Variants in ASF1B observed in about 807,000 individuals in gnomAD.
The protein encoded by ASF1B is histone chaperone ASF1B.
A neutral mutation model predicts 16.6 loss-of-function variants in ASF1B; 10 were observed. The observed-to-expected ratio is 0.60, with a 90% CI of 0.37 to 1.02. The LOEUF is 1.02. ASF1B is among the 50% of genes least tolerant of loss of function. The pLI, the probability that ASF1B is intolerant of heterozygous loss-of-function variation, is 0.01. For missense variants in ASF1B, 240 were observed against 266.0 expected, an observed-to-expected ratio of 0.90 and a Z score of 0.68; for synonymous variants, 101 against 106.2, an observed-to-expected ratio of 0.95 and a Z score of 0.30.
Position 14,120,229 on chromosome 19 carries a change from A to G in ASF1B, c.*230T>C. On this transcript the variant is annotated 3_prime_UTR_variant, in exon 4 of 4. Transcript: ENST00000263382. ...TATGAAGACGAAAAGAACACAAGTC[A>G]GAATTTAGAACTGAAGTACCTGCTT... 1 of 520,640 alleles carries G rather than the reference A, an allele frequency of 1.9e-6. No homozygotes were observed. Among genetic ancestry groups the G allele is most frequent in the Non-Finnish European group, 3.4e-6 (1 of 297,774 alleles). 32.3% of individuals were successfully genotyped at this position (520,640 alleles called of 1,614,324 possible). A position where few individuals can be genotyped will look rare whatever the true frequency, so the allele number is the denominator to read the frequency against.
At chr19:14,125,363 G>GCA (rs1967302288) in intron 2 of ASF1B, among the ~76,000 whole-genome samples, 1 of 152,218 alleles carries the variant, frequency 6.6e-6, no homozygotes, top group African/African-American at 2.4e-5. Context: ...TTCCCCTGGG[G>GCA]CAATGGTTCA....
intron 1 of ASF1B, among the ~76,000 whole-genome samples, chr19:14,128,299 G>A (rs1167430172): frequency 1.3e-5 from 2 of 152,170 alleles, no homozygotes; most frequent in Non-Finnish European, 2.9e-5. Flanking sequence ...GCATGCTGCT[G>A]CCAGGTCATG....
intron 1 of ASF1B, among the ~76,000 whole-genome samples, chr19:14,132,771 T>C (rs1225020557): frequency 1.3e-5 from 2 of 152,078 alleles, no homozygotes; most frequent in South Asian, 2.1e-4. Context: ...TGAGCTGAGA[T>C]TGCACCACTG....
At chr19:14,122,359 G>T (rs539843948) in intron 2 of ASF1B, among the ~76,000 whole-genome samples, 2 of 145,972 alleles carry the variant, frequency 1.4e-5, no homozygotes, top group Non-Finnish European at 3.0e-5. Flanking sequence ...GAGCCATTGC[G>T]CCTGGACTTT....
intron 2 of ASF1B, among the ~76,000 whole-genome samples, chr19:14,122,769 G>A (rs1967260038): frequency 6.6e-6 from 1 of 152,174 alleles, no homozygotes; most frequent in Admixed American, 6.6e-5. Context: ...GTGAGCCGGG[G>A]GACAGTGGCA....
intron 1 of ASF1B, among the ~76,000 whole-genome samples, chr19:14,131,634 C>A (rs1234260960): frequency 1.3e-5 from 2 of 151,816 alleles, no homozygotes; most frequent in African/African-American, 4.8e-5. Context: ...AGGCGCCCGC[C>A]ACCACACCCG....
chr19:14,121,612 G>A lies in ASF1B; in HGVS notation c.322C>T (p.Arg108Ter). ...TCTYHGQEFI[R>*]VGYYVNNEYL... ...TCGTTGTTGACGTAGTAGCCCACTC[G>A]GATGAACTCCTGTCCATGGTAGGTG... The change falls in exon 3 of 4, where the codon CGA (arginine) becomes TGA (stop). Residue 108 changes from arginine (R) to a stop codon, truncating the protein, a stop_gained. Transcript: ENST00000263382. LOFTEE classifies it high-confidence loss of function. 4.3e-6 allele frequency: 7 copies of A among 1,613,950 alleles called. No individual in the cohort carries two copies. Among genetic ancestry groups the A allele is most frequent in the Admixed American group, 1.7e-5 (1 of 59,986 alleles).
intron 2 of ASF1B, among the ~76,000 whole-genome samples, chr19:14,122,330 G>A (rs1211040894): frequency 6.6e-6 from 1 of 151,742 alleles, no homozygotes; most frequent in Non-Finnish European, 1.5e-5. Flanking sequence ...GCCTCCCAAA[G>A]TGTTGGGATT....
intron 2 of ASF1B, among the ~76,000 whole-genome samples, chr19:14,122,552 G>C (rs1219605402): frequency 6.7e-6 from 1 of 149,652 alleles, no homozygotes; most frequent in Non-Finnish European, 1.5e-5. Flanking sequence ...TAGAGACAGG[G>C]TTTCTCCATG....
intron 3 of ASF1B, 72 bp from the exon 4 acceptor site, chr19:14,120,737 C>A: frequency 6.9e-7 from 1 of 1,445,116 alleles, no homozygotes; most frequent in Non-Finnish European, 9.6e-7. Context: ...CAGGACACCC[C>A]CAATCACCCA....
intron 1 of ASF1B, among the ~76,000 whole-genome samples, chr19:14,132,561 T>G (rs1156746798): frequency 6.6e-6 from 1 of 152,162 alleles, no homozygotes; most frequent in Admixed American, 6.6e-5. Flanking sequence ...GGATTCAAAG[T>G]GTAATCCCAG....
intron 1 of ASF1B, among the ~76,000 whole-genome samples, chr19:14,134,332 C>G (rs187560358): frequency 6.6e-6 from 1 of 152,198 alleles, no homozygotes; most frequent in Admixed American, 6.6e-5. Flanking sequence ...CAAGTAGACT[C>G]CTTAATTTAA....
At chr19:14,134,240 C>G (rs1967451789) in intron 1 of ASF1B, among the ~76,000 whole-genome samples, 1 of 152,216 alleles carries the variant, frequency 6.6e-6, no homozygotes, top group Non-Finnish European at 1.5e-5. Context: ...TATTCCACAG[C>G]GTCATTCTAC....
chr19:14,135,943 G>T (rs1178637565), intron 1 of ASF1B, among the ~76,000 whole-genome samples: 1 of 151,902 alleles, frequency 6.6e-6, no homozygotes, highest in Non-Finnish European at 1.5e-5. Flanking sequence ...GGCCGAGAAG[G>T]TCTCCCCATG....
intron 1 of ASF1B, among the ~76,000 whole-genome samples, chr19:14,127,492 C>T (rs1033666919): frequency 6.6e-5 from 10 of 152,148 alleles, no homozygotes; most frequent in African/African-American, 1.9e-4. Context: ...GATTCCAATC[C>T]GGCAGGAGAG....
chr19:14,132,191 T>C (rs1485228170), intron 1 of ASF1B, among the ~76,000 whole-genome samples: 4 of 151,940 alleles, frequency 2.6e-5, no homozygotes, highest in African/African-American at 9.7e-5. Flanking sequence ...CCAAGTCCCG[T>C]TAATTTTTTG....
At position 14,120,287 on chromosome 19, in the gene ASF1B, CCTT is replaced by C; in HGVS notation, c.*169_*171del. 1.7e-6 allele frequency: 1 copy of C among 595,800 alleles called. No individual in the cohort carries two copies. The highest frequency in any genetic ancestry group is 2.9e-6 in the Non-Finnish European group (1 of 344,200). The allele number at this position is 595,800 out of a possible 1,614,324, so 36.9% of individuals were successfully genotyped here. Reference sequence around the variant, plus strand: ...GCCTGTAGAGGAAAAGCGAGATCATCCTTCTGGCCAGGACTAGGGGAGACCCAA... The same window carrying C: ...GCCTGTAGAGGAAAAGCGAGATCATCCTGGCCAGGACTAGGGGAGACCCAA... On this transcript the variant is annotated 3_prime_UTR_variant, in exon 4 of 4. Transcript: ENST00000263382.
intron 1 of ASF1B, among the ~76,000 whole-genome samples, chr19:14,133,788 C>T (rs548045580): frequency 2.0e-5 from 3 of 150,768 alleles, no homozygotes; most frequent in Admixed American, 1.3e-4. Context: ...AGATAATGAC[C>T]GCACAACCAT....
At chr19:14,133,460 G>T (rs1186164546) in intron 1 of ASF1B, among the ~76,000 whole-genome samples, 9 of 152,084 alleles carry the variant, frequency 5.9e-5, no homozygotes, top group Admixed American at 5.9e-4. Flanking sequence ...CTGAGGTCAG[G>T]AGTTCAAGAC....
Sources: gnomAD v4.1 joint callset for allele counts (sites outside exome capture counted in the v4.1 genomes callset) on GRCh38, gnomAD v4.1.1 for gene constraint, MANE v1.5 for transcripts, NCBI Gene and HGNC (gene_info 2026-07-23, HGNC 2026-07-21) for gene names.